The following BMERB1 variants were observed in gnomAD, a reference collection of about 807,000 sequenced individuals.
The protein encoded by BMERB1 is bMERB domain-containing protein 1.
In BMERB1, 12 loss-of-function variants were observed where a neutral mutation model predicts 23.6. The ratio of observed to expected loss-of-function variants is 0.51; its 90% CI spans 0.33 to 0.82. The LOEUF (loss-of-function observed/expected upper bound fraction) is 0.82, where lower values mean the gene tolerates loss of function less well. Ranked by LOEUF, BMERB1 falls within the 40% of genes least tolerant of loss-of-function variation. The pLI, the probability that BMERB1 is intolerant of heterozygous loss-of-function variation, is 0.03. For missense variants in BMERB1, 247 were observed against 255.4 expected, an observed-to-expected ratio of 0.97 and a Z score of 0.22; for synonymous variants, 122 against 96.6, an observed-to-expected ratio of 1.26 and a Z score of -1.54.
rs1250439852 is a variant in BMERB1 at position 15,583,284 on chromosome 16, G to T, written c.502+46G>T. 9 of 1,464,506 alleles carry T rather than the reference G, an allele frequency of 6.1e-6. No individual in the cohort carries two copies. The South Asian group carries it at 9.1e-5, about 15-fold the overall frequency. The allele number at this position is 1,464,506 out of a possible 1,614,324, so 90.7% of individuals were successfully genotyped here. ...TTCCCCTCCCCCACAAAAGAGAAAA[G>T]TATATTTCAGGCCAGGCCCACAGTG... On this transcript the variant is annotated intron_variant, in intron 5 of 5. Transcript: ENST00000300006.
At chr16:15,537,643 C>T (rs1412873952) in intron 2 of BMERB1, among the ~76,000 whole-genome samples, 1 of 151,262 alleles carries the variant, frequency 6.6e-6, no homozygotes, top group Non-Finnish European at 1.5e-5. Flanking sequence ...CATGAGCCAC[C>T]ATGCCCGGCC....
intron 1 of BMERB1, among the ~76,000 whole-genome samples, chr16:15,480,119 T>C (rs552252693): frequency 1.5e-3 from 216 of 142,372 alleles, no homozygotes; most frequent in Admixed American, 4.7e-3. Context: ...ATTTTATTAA[T>C]TTTTTTTTTT....
rs188293306 is a variant in BMERB1 at position 15,548,022 on chromosome 16, T to A, written c.231-19961T>A. The stretch of plus-strand genomic sequence containing the variant: ...AAAGGTGCATGGTAAATTCTGTTTG[T>A]CGCCCGGGCTGGAGCGCAGTGGCAT... On this transcript the variant is annotated intron_variant, in intron 2 of 5. Transcript: ENST00000300006. 3.3e-5 allele frequency among the ~76,000 whole-genome samples: 5 copies of A among 152,278 alleles called. No individual in the cohort carries two copies. In the East Asian group the frequency reaches 9.6e-4, roughly 29 times the overall value.
intron 1 of BMERB1, among the ~76,000 whole-genome samples, chr16:15,482,420 G>A (rs962379865): frequency 6.6e-6 from 1 of 152,202 alleles, no homozygotes. Flanking sequence ...AAACATCCTA[G>A]TGGCCACCAG....
At chr16:15,549,610 C>A (rs1431559016) in intron 2 of BMERB1, among the ~76,000 whole-genome samples, 7 of 150,402 alleles carry the variant, frequency 4.7e-5, no homozygotes, top group Non-Finnish European at 1.0e-4. Flanking sequence ...ACCCAGGAGG[C>A]GGAGGTTGCA....
intron 5 of BMERB1, chr16:15,583,893 T>C: frequency 1.5e-6 from 1 of 646,390 alleles, no homozygotes; most frequent in South Asian, 1.7e-5. Context: ...GATTGAACTC[T>C]GCAAACTACG....
chr16:15,449,914 T>TA (rs200002384), intron 1 of BMERB1, among the ~76,000 whole-genome samples: 4 of 151,388 alleles, frequency 2.6e-5, no homozygotes, highest in South Asian at 2.1e-4. Flanking sequence ...TTGTTTTCTT[T>TA]AAAATTTTTT....
chr16:15,507,985 G>A (rs1382852875), intron 1 of BMERB1, among the ~76,000 whole-genome samples: 1 of 152,188 alleles, frequency 6.6e-6, no homozygotes, highest in Non-Finnish European at 1.5e-5. Flanking sequence ...ACTCAGTTTT[G>A]TTATGATGAT....
intron 1 of BMERB1, among the ~76,000 whole-genome samples, chr16:15,463,403 C>T (rs913615208): frequency 6.6e-6 from 1 of 152,112 alleles, no homozygotes; most frequent in Non-Finnish European, 1.5e-5. Context: ...CTGAAATACG[C>T]TTGAAGGCAT....
At chr16:15,480,606 C>CTTTTTTTTTTT (rs1159247360) in intron 1 of BMERB1, among the ~76,000 whole-genome samples, 1 of 58,962 alleles carries the variant, frequency 1.7e-5, no homozygotes, top group Non-Finnish European at 2.9e-5. Flanking sequence ...ATTCCACTGT[C>CTTTTTTTTTTT]TTTTTTTTTT....
rs577583496 is a variant in BMERB1 at position 15,434,627 on chromosome 16, C to T, written c.-27C>T. 2 of 1,599,002 alleles carry T rather than the reference C, an allele frequency of 1.3e-6. No individual in the cohort carries two copies. Among genetic ancestry groups the T allele is most frequent in the Non-Finnish European group, 1.7e-6 (2 of 1,166,286 alleles). On this transcript the variant is annotated 5_prime_UTR_variant, in exon 1 of 6. Transcript: ENST00000300006. ...CAACGGGAATGGAGTAAAGGGAGAC[C>T]CGTCGACCTGGCCACGGGGATCAGC...
At chr16:15,565,164 C>T (rs1396200082) in intron 2 of BMERB1, among the ~76,000 whole-genome samples, 1 of 152,026 alleles carries the variant, frequency 6.6e-6, no homozygotes, top group East Asian at 1.9e-4. Context: ...GAGTCAGCAG[C>T]CCCGGCCCTT....
intron 2 of BMERB1, among the ~76,000 whole-genome samples, chr16:15,534,330 C>G (rs1403290786): frequency 6.8e-6 from 1 of 147,732 alleles, no homozygotes; most frequent in Non-Finnish European, 1.5e-5. Context: ...AGGCCAGGCG[C>G]GGTGGCTCAC....
intron 1 of BMERB1, among the ~76,000 whole-genome samples, chr16:15,497,702 T>C (rs1214515067): frequency 6.6e-6 from 1 of 152,178 alleles, no homozygotes; most frequent in Non-Finnish European, 1.5e-5. Flanking sequence ...GTTGTTAGTA[T>C]TTGTTTTAGC....
At chr16:15,571,676 C>G (rs2150973495) in intron 3 of BMERB1, among the ~76,000 whole-genome samples, 1 of 152,054 alleles carries the variant, frequency 6.6e-6, no homozygotes, top group South Asian at 2.1e-4. Context: ...TCTTTTTTTC[C>G]TAAACAGATA....
intron 2 of BMERB1, among the ~76,000 whole-genome samples, chr16:15,535,303 C>CGAGA: frequency 6.6e-6 from 1 of 151,920 alleles, no homozygotes; most frequent in Non-Finnish European, 1.5e-5. Flanking sequence ...GTGAGCTATG[C>CGAGA]TTGTGCCACT....
In BMERB1 at chr16:15,462,137, CTTTTTTTTTTTTTTT is replaced by C. The variant is rs71152431; in HGVS notation, c.106+27396_106+27410del. 1.4e-3 allele frequency among the ~76,000 whole-genome samples: 79 copies of C among 56,966 alleles called. 1 individual carries two copies. The highest frequency in any genetic ancestry group is 8.3e-3 in the South Asian group (10 of 1,200). 37.4% of individuals were successfully genotyped at this position (56,966 alleles called of 152,430 possible). A position where few individuals can be genotyped will look rare whatever the true frequency, so the allele number is the denominator to read the frequency against. ...ATTCAAAGTTAACTGGATGTCCTGC[CTTTTTTTTTTTTTTT>C]TTTTTTTTTTTTTTTTTGAGGTGGA... is the stretch of plus-strand genomic sequence containing the variant. On this transcript the variant is annotated intron_variant, in intron 1 of 5. Coordinates refer to ENST00000300006, the MANE Select transcript of BMERB1 (RefSeq NM_033201.3).
At chr16:15,545,437 G>A (rs1375354334) in intron 2 of BMERB1, among the ~76,000 whole-genome samples, 2 of 152,190 alleles carry the variant, frequency 1.3e-5, no homozygotes, top group East Asian at 3.9e-4. Context: ...TTAGAGAGAA[G>A]ACCCGGTGTG....
chr16:15,439,121 A>G (rs1367532565), intron 1 of BMERB1, among the ~76,000 whole-genome samples: 1 of 152,204 alleles, frequency 6.6e-6, no homozygotes, highest in African/African-American at 2.4e-5. Context: ...GTTGACTGCT[A>G]TTTTAAATTT....
Sources: gnomAD v4.1 joint callset for allele counts (sites outside exome capture counted in the v4.1 genomes callset) on GRCh38, gnomAD v4.1.1 for gene constraint, MANE v1.5 for transcripts, NCBI Gene and HGNC (gene_info 2026-07-23, HGNC 2026-07-21) for gene names.